TBK1: variants seen among roughly 807,000 people sequenced by gnomAD.
The protein encoded by TBK1 is serine/threonine-protein kinase TBK1.
A neutral mutation model predicts 99.9 loss-of-function variants in TBK1; 37 were observed. The ratio of observed to expected loss-of-function variants is 0.37; its 90% CI spans 0.28 to 0.49. TBK1 has a LOEUF of 0.49. TBK1 is among the 20% of genes least tolerant of loss of function. The pLI is 0.98. For synonymous variants in TBK1, 258 were observed against 279.8 expected (o/e 0.92, Z 0.78); for missense variants, 644 against 872.5 (o/e 0.74, Z 3.30).
intron 20 of TBK1, among the ~76,000 whole-genome samples, chr12:64,499,037 CTTTTT>C (rs763709411): frequency 5.0e-5 from 4 of 79,256 alleles, no homozygotes; most frequent in African/African-American, 1.9e-4. Flanking sequence ...TAATTTTATT[CTTTTT>C]TTTTTTTTTT....
At chr12:64,471,255 A>G (rs1283027699) in intron 5 of TBK1, among the ~76,000 whole-genome samples, 2 of 150,074 alleles carry the variant, frequency 1.3e-5, no homozygotes, top group African/African-American at 4.9e-5. Context: ...CTCAAGCTCC[A>G]CCTCCCAGGT....
At chr12:64,496,233 A>G in intron 15 of TBK1, 134 bp from the exon 16 acceptor site, 1 of 399,480 alleles carries the variant, frequency 2.5e-6, no homozygotes, top group Non-Finnish European at 4.6e-6. Flanking sequence ...GCCATAAGTA[A>G]CCAATGAGCC....
Position 64,501,772 on chromosome 12 carries a change from C to G in TBK1, c.*391C>G. ...ACAAATCAGGAAGACTGACTTGACACGTTTGTAAATGGTAGAACGGTGGCT... is the reference window on the plus strand; with the variant it reads ...ACAAATCAGGAAGACTGACTTGACAGGTTTGTAAATGGTAGAACGGTGGCT... On this transcript the variant is annotated 3_prime_UTR_variant, in exon 21 of 21. Coordinates refer to ENST00000331710, the MANE Select transcript of TBK1 (RefSeq NM_013254.4). 5.8e-6 allele frequency: 1 copy of G among 173,796 alleles called. No individual in the cohort carries two copies. The highest frequency in any genetic ancestry group is 1.2e-5 in the Non-Finnish European group (1 of 82,174). 10.8% of individuals were successfully genotyped at this position (173,796 alleles called of 1,614,324 possible). A position where few individuals can be genotyped will look rare whatever the true frequency, so the allele number is the denominator to read the frequency against.
At chr12:64,478,688 T>G (rs962414545) in intron 6 of TBK1, among the ~76,000 whole-genome samples, 10 of 152,226 alleles carry the variant, frequency 6.6e-5, no homozygotes, top group African/African-American at 2.2e-4. Flanking sequence ...TATTTAACTG[T>G]ACTGATGATT....
chr12:64,495,389 A>G, intron 13 of TBK1, 94 bp from the exon 14 acceptor site: 3 of 1,466,212 alleles, frequency 2.0e-6, no homozygotes, highest in Non-Finnish European at 2.7e-6. Flanking sequence ...GTAATCTACA[A>G]AAGAAATGTG....
intron 9 of TBK1, 111 bp downstream of exon 9, chr12:64,484,610 G>T: frequency 9.6e-7 from 1 of 1,040,902 alleles, no homozygotes; most frequent in Non-Finnish European, 1.3e-6. Flanking sequence ...AAATTAGTGG[G>T]GCATGGTGGC....
At chr12:64,462,534 T>G (rs929595987) in intron 3 of TBK1, among the ~76,000 whole-genome samples, 1 of 152,170 alleles carries the variant, frequency 6.6e-6, no homozygotes, top group Non-Finnish European at 1.5e-5. Flanking sequence ...AATGGAATTA[T>G]GTATACTTCC....
chr12:64,467,116 G>A, intron 5 of TBK1, 34 bp downstream of exon 5: 1 of 1,480,208 alleles, frequency 6.8e-7, no homozygotes, highest in Middle Eastern at 1.8e-4. Context: ...TTCATTTAAA[G>A]AAGCTTGATA....
chr12:64,482,738 C>T (rs754704041), intron 8 of TBK1, among the ~76,000 whole-genome samples: 2 of 152,194 alleles, frequency 1.3e-5, no homozygotes, highest in Non-Finnish European at 2.9e-5. Context: ...TGTACAGGTT[C>T]GTAGCCTAGG....
At chr12:64,483,782 G>A (rs766349502) in intron 8 of TBK1, among the ~76,000 whole-genome samples, 15 of 152,320 alleles carry the variant, frequency 9.8e-5, no homozygotes, top group South Asian at 6.2e-4. Flanking sequence ...CGAGGCAGGT[G>A]TATCACTTGA....
At chr12:64,490,387 A>G (rs911712563) in intron 13 of TBK1, among the ~76,000 whole-genome samples, 5 of 152,222 alleles carry the variant, frequency 3.3e-5, no homozygotes, top group African/African-American at 1.2e-4. Context: ...TCTTATAGAG[A>G]TGATATTTCT....
At chr12:64,454,770 G>A (rs2040467364) in intron 1 of TBK1, among the ~76,000 whole-genome samples, 1 of 138,080 alleles carries the variant, frequency 7.2e-6, no homozygotes, top group Non-Finnish European at 1.5e-5. Context: ...TCCGCCTCCC[G>A]GGTTCCCGCC....
intron 12 of TBK1, among the ~76,000 whole-genome samples, chr12:64,489,022 G>C (rs781473919): frequency 2.4e-4 from 37 of 152,086 alleles, no homozygotes; most frequent in Admixed American, 2.0e-4. Flanking sequence ...ATCAGCCTTA[G>C]ATTAGTGATT....
chr12:64,480,902 A>G (rs2040762091), intron 7 of TBK1, among the ~76,000 whole-genome samples: 1 of 152,148 alleles, frequency 6.6e-6, no homozygotes, highest in Non-Finnish European at 1.5e-5. Context: ...TATGACTTTA[A>G]ATAAATAAAT....
At chr12:64,499,165 T>C (rs1458476083) in intron 20 of TBK1, among the ~76,000 whole-genome samples, 3 of 146,164 alleles carry the variant, frequency 2.1e-5, no homozygotes, top group Non-Finnish European at 4.5e-5. Flanking sequence ...TGCCTCAGCC[T>C]CCTGAGTAGC....
chr12:64,491,210 A>G (rs981107224), intron 13 of TBK1, among the ~76,000 whole-genome samples: 4 of 152,148 alleles, frequency 2.6e-5, no homozygotes, highest in Non-Finnish European at 4.4e-5. Context: ...ATGACTGGCT[A>G]CTTAAGCAAG....
rs528737990 is a variant in TBK1 at position 64,494,755 on chromosome 12, T to G, written c.1522-728T>G. 7.9e-5 allele frequency among the ~76,000 whole-genome samples: 12 copies of G among 152,364 alleles called. 1 individual carries two copies. The South Asian group carries it at 1.9e-3, about 24-fold the overall frequency. ...AAGATACTATTTTTGTCTTTCAGAT[T>G]ATCAAGGCTTAAAAAATTATAATGC... is the stretch of plus-strand genomic sequence containing the variant. On this transcript the variant is annotated intron_variant, in intron 13 of 20. Transcript: ENST00000331710.
intron 6 of TBK1, among the ~76,000 whole-genome samples, chr12:64,476,057 A>G (rs891638255): frequency 4.0e-5 from 6 of 150,246 alleles, no homozygotes; most frequent in Non-Finnish European, 7.4e-5. Flanking sequence ...AGCCATTCTG[A>G]CTGGCGTGAG....
At chr12:64,492,243 C>A (rs1026620976) in intron 13 of TBK1, among the ~76,000 whole-genome samples, 1 of 152,152 alleles carries the variant, frequency 6.6e-6, no homozygotes, top group East Asian at 1.9e-4. Context: ...AATATATTTT[C>A]TTTTGGGGAT....
Sources: gnomAD v4.1 joint callset for allele counts (sites outside exome capture counted in the v4.1 genomes callset) on GRCh38, gnomAD v4.1.1 for gene constraint, MANE v1.5 for transcripts, NCBI Gene and HGNC (gene_info 2026-07-23, HGNC 2026-07-21) for gene names.